DGKD: variants seen among roughly 807,000 people sequenced by gnomAD.
The protein encoded by DGKD is DAG kinase delta.
A neutral mutation model predicts 154.4 loss-of-function variants in DGKD; 68 were observed. That is an observed-to-expected ratio of 0.44 (90% CI 0.36 to 0.54). The LOEUF (loss-of-function observed/expected upper bound fraction) is 0.54. Ranked by LOEUF, DGKD falls within the 20% of genes least tolerant of loss-of-function variation. The pLI, the probability that DGKD is intolerant of heterozygous loss-of-function variation, is 0.00. For synonymous variants in DGKD, 693 were observed against 638.0 expected, an observed-to-expected ratio of 1.09 and a Z score of -1.30; for missense variants, 1,343 against 1,593.6, an observed-to-expected ratio of 0.84 and a Z score of 2.68.
rs192418140 is a variant in DGKD, at chr2:233,443,304, C to T, written c.1194+1309C>T. Among the ~76,000 whole-genome samples, 6 of 152,284 alleles carry T rather than the reference C, an allele frequency of 3.9e-5. No homozygotes were observed. The East Asian group carries it at 1.2e-3, about 29-fold the overall frequency. On this transcript the variant is annotated intron_variant, in intron 10 of 29. Transcript: ENST00000264057. ...TGGTTATGAAGTTTTAAATAAATCA[C>T]CTGTTCATATTTTTTTTTGCCTCAT... is the stretch of plus-strand genomic sequence containing the variant.
At chr2:233,428,597 A>G (rs2062396177) in intron 3 of DGKD, among the ~76,000 whole-genome samples, 2 of 152,184 alleles carry the variant, frequency 1.3e-5, no homozygotes, top group South Asian at 4.1e-4. Context: ...TCCGGTTTTC[A>G]GATGGGGCAG....
At chr2:233,456,815 T>C in intron 19 of DGKD, 84 bp from the exon 20 acceptor site, 2 of 1,009,646 alleles carry the variant, frequency 2.0e-6, no homozygotes, top group Non-Finnish European at 1.5e-6. Context: ...GGTCAGATGC[T>C]GTTCCCAGCT....
intron 3 of DGKD, among the ~76,000 whole-genome samples, chr2:233,422,418 C>G (rs1423240523): frequency 1.3e-5 from 2 of 152,208 alleles, no homozygotes; most frequent in East Asian, 3.8e-4. Context: ...AGGGCGTGGT[C>G]CATGACACTC....
At chr2:233,385,284 T>C (rs948870957) in intron 1 of DGKD, among the ~76,000 whole-genome samples, 6 of 152,180 alleles carry the variant, frequency 3.9e-5, no homozygotes, top group African/African-American at 1.4e-4. Context: ...GTCGGGTCAG[T>C]GGGTGGCCGT....
chr2:233,371,429 T>A (rs1177622782), intron 1 of DGKD, among the ~76,000 whole-genome samples: 1 of 152,138 alleles, frequency 6.6e-6, no homozygotes, highest in Non-Finnish European at 1.5e-5. Context: ...TTTTTATATA[T>A]TTTGGGTACT....
intron 8 of DGKD, 41 bp downstream of exon 8, chr2:233,437,520 A>T (rs113702627): frequency 1.3e-6 from 2 of 1,572,598 alleles, no homozygotes; most frequent in African/African-American, 2.7e-5. Context: ...GCACGCCCAC[A>T]CGCTTCCTTC....
At chr2:233,355,042 C>G (rs919001332) in intron 1 of DGKD, among the ~76,000 whole-genome samples, 1 of 151,864 alleles carries the variant, frequency 6.6e-6, no homozygotes, top group African/African-American at 2.4e-5. Context: ...CGCGGGGGCT[C>G]CCGGCTGCGC....
rs138520921 is a variant in DGKD at position 233,359,314 on chromosome 2, C to T, written c.156+4640C>T. Reference sequence around the variant, plus strand: ...GAAAGTAAATGTTAACTCTGTGTTCCTGAGTCTCAGTTTCCATGTCTGTAA... The same window carrying T: ...GAAAGTAAATGTTAACTCTGTGTTCTTGAGTCTCAGTTTCCATGTCTGTAA... On this transcript the variant is annotated intron_variant, in intron 1 of 29. Transcript: ENST00000264057. Among the ~76,000 whole-genome samples the T allele has an allele frequency of 7.1e-4, 108 of 152,244 alleles. 2 individuals carry two copies. The highest frequency in any genetic ancestry group is 5.6e-4 in the Non-Finnish European group (38 of 68,012).
Position 233,452,495 on chromosome 2 carries a change from T to A in DGKD, c.2264+435T>A, listed in dbSNP as rs2063326861. On this transcript the variant is annotated intron_variant, in intron 18 of 29. Coordinates refer to ENST00000264057, the MANE Select transcript of DGKD (RefSeq NM_152879.3). The surrounding 1 kb of genome is among the most constrained non-coding windows in gnomAD (Gnocchi z 4.0). ...CTCTGCTTTCCTCTAACACCTGCTCTCCTTGTTGGTGATGCAGAACCACAG... is the reference window on the plus strand; with the variant it reads ...CTCTGCTTTCCTCTAACACCTGCTCACCTTGTTGGTGATGCAGAACCACAG... 6.6e-6 allele frequency among the ~76,000 whole-genome samples: 1 copy of A among 152,166 alleles called. No individual in the cohort carries two copies. Among genetic ancestry groups the A allele is most frequent in the Non-Finnish European group, 1.5e-5 (1 of 68,034 alleles).
rs920504424 is a variant in DGKD, at chr2:233,471,072, G to C, written c.*1612G>C. On this transcript the variant is annotated 3_prime_UTR_variant, in exon 30 of 30. Transcript: ENST00000264057. ...TCACAGCCCCTCTGTCCCCTCTGCAGTGCACCCAGGTGGGCCCCTCTGCGT... is the reference window on the plus strand; with the variant it reads ...TCACAGCCCCTCTGTCCCCTCTGCACTGCACCCAGGTGGGCCCCTCTGCGT... The C allele has an allele frequency of 3.3e-5, 5 of 152,440 alleles. No individual in the cohort carries two copies. The highest frequency in any genetic ancestry group is 1.2e-4 in the African/African-American group (5 of 41,462). 9.4% of individuals were successfully genotyped at this position (152,440 alleles called of 1,614,324 possible).
In DGKD at chr2:233,354,564, C is replaced by T. The variant is rs1188588198; in HGVS notation, c.46C>T (p.Pro16Ser). The change falls in exon 1 of 30, where the codon CCT becomes TCT. Residue 16 changes from proline to serine, a missense_variant. Physicochemically the swap from Pro to Ser is moderately conservative, Grantham distance 74. Coordinates refer to ENST00000264057, the MANE Select transcript of DGKD (RefSeq NM_152879.3). The surrounding 1 kb of genome is among the most constrained non-coding windows in gnomAD (Gnocchi z 4.8). ...CCCTCCGCCGGGTCCCCCGCAACCG[C>T]CTCCGCCGCCGCCGCCCGAGGAGTC... ...GAPPPGPPQP[P>S]PPPPPEESSD... 1.9e-6 allele frequency: 2 copies of T among 1,062,498 alleles called. No homozygotes were observed. The highest frequency in any genetic ancestry group is 2.3e-6 in the Non-Finnish European group (2 of 871,296). 65.8% of individuals were successfully genotyped at this position (1,062,498 alleles called of 1,614,324 possible).
chr2:233,447,345 C>A, intron 12 of DGKD: 1 of 349,284 alleles, frequency 2.9e-6, no homozygotes, highest in Non-Finnish European at 4.0e-6. Flanking sequence ...CAGACTTTGT[C>A]TTTAGTTTCT....
chr2:233,464,274 C>G lies in DGKD; in HGVS notation c.3297C>G (p.Gly1099=). The change falls in exon 27 of 30, where the codon GGC becomes GGG. Residue 1099 remains glycine, a synonymous_variant. Transcript: ENST00000264057. Reference sequence around the variant, plus strand: ...GGCTCTGCCAGTCCGCAGAGCCCGGCGACGAAGAGGTATGTGGCTCATAGG... The same window carrying G: ...GGCTCTGCCAGTCCGCAGAGCCCGGGGACGAAGAGGTATGTGGCTCATAGG... The part of the protein sequence containing the change: ...TPWLCQSAEP[G]DEESVMLDLA... 6.2e-7 allele frequency: 1 copy of G among 1,613,466 alleles called. No homozygotes were observed. The highest frequency in any genetic ancestry group is 8.5e-7 in the Non-Finnish European group (1 of 1,179,904).
At chr2:233,414,684 TAGA>T (rs1394498198) in intron 3 of DGKD, among the ~76,000 whole-genome samples, 1 of 152,256 alleles carries the variant, frequency 6.6e-6, no homozygotes, top group Non-Finnish European at 1.5e-5. Flanking sequence ...GCTTCACAAT[TAGA>T]AGAATTGAAA....
At chr2:233,359,347 A>G (rs112124412) in intron 1 of DGKD, among the ~76,000 whole-genome samples, 1 of 152,358 alleles carries the variant, frequency 6.6e-6, no homozygotes, top group African/African-American at 2.4e-5. Flanking sequence ...TAAAATAGAA[A>G]TAACAGTTGT....
At chr2:233,362,584 G>A (rs1480010505) in intron 1 of DGKD, among the ~76,000 whole-genome samples, 1 of 152,202 alleles carries the variant, frequency 6.6e-6, no homozygotes, top group Non-Finnish European at 1.5e-5. Flanking sequence ...CTGGGAAGTG[G>A]AAGTTGCAGT....
chr2:233,374,527 A>G (rs1702474216), intron 1 of DGKD, among the ~76,000 whole-genome samples: 1 of 152,100 alleles, frequency 6.6e-6, no homozygotes. Flanking sequence ...TAGAGATGGC[A>G]TCTCACCGTG....
intron 9 of DGKD, among the ~76,000 whole-genome samples, chr2:233,439,272 T>TC (rs2062811642): frequency 6.6e-6 from 1 of 152,204 alleles, no homozygotes; most frequent in African/African-American, 2.4e-5. Flanking sequence ...CAGTGGGGTC[T>TC]GTGTATTAGG....
chr2:233,436,621 A>G (rs1553636300), intron 7 of DGKD, among the ~76,000 whole-genome samples, 180 bp downstream of exon 7: 10 of 152,138 alleles, frequency 6.6e-5, no homozygotes, highest in Non-Finnish European at 2.9e-5. Flanking sequence ...GTTTTGGGGT[A>G]TTTCTTCCTT....
Sources: allele counts gnomAD v4.1 joint callset (sites outside exome capture counted in the v4.1 genomes callset), GRCh38; gene constraint gnomAD v4.1.1; non-coding constraint Gnocchi (gnomAD v3.1); transcripts MANE v1.5; gene names NCBI Gene and HGNC (gene_info 2026-07-23, HGNC 2026-07-21).